CREB5: variants seen among roughly 807,000 people sequenced by gnomAD.
CREB5 encodes cyclic AMP-responsive element-binding protein 5.
A neutral mutation model predicts 57.1 loss-of-function variants in CREB5; 19 were observed. That is an observed-to-expected ratio of 0.33 (90% CI 0.23 to 0.49). The LOEUF (loss-of-function observed/expected upper bound fraction) is 0.49, where lower values mean the gene tolerates loss of function less well. CREB5 is among the 20% of genes least tolerant of loss of function. CREB5 has a pLI of 0.99. For missense variants in CREB5, 579 were observed against 671.6 expected (o/e 0.86, Z 1.52); for synonymous variants, 238 against 238.3 (o/e 1.00, Z 0.01).
intron 5 of CREB5, among the ~76,000 whole-genome samples, chr7:28,679,197 G>A (rs1010278596): frequency 2.6e-5 from 4 of 151,972 alleles, no homozygotes; most frequent in Non-Finnish European, 5.9e-5. Context: ...GGGAGACAGA[G>A]GGAGAATATT....
At chr7:28,497,246 G>T (rs74826751) in intron 3 of CREB5, among the ~76,000 whole-genome samples, 13,222 of 152,292 alleles carry the variant, frequency 0.087, 681 homozygotes, top group Middle Eastern at 0.12. Context: ...CTGAAAAAGA[G>T]CAGCTGAAGA....
At chr7:28,611,524 G>A (rs1797385096) in intron 5 of CREB5, among the ~76,000 whole-genome samples, 1 of 142,226 alleles carries the variant, frequency 7.0e-6, no homozygotes, top group African/African-American at 2.6e-5. Context: ...AAATTAGCTG[G>A]GTGTGGTGGT....
intron 7 of CREB5, among the ~76,000 whole-genome samples, chr7:28,740,358 C>G (rs887945741): frequency 6.6e-6 from 1 of 152,132 alleles, no homozygotes; most frequent in Non-Finnish European, 1.5e-5. Flanking sequence ...ACCACTTTCC[C>G]TTTCTGTTTG....
At chr7:28,565,051 A>G (rs1436922255) in intron 4 of CREB5, among the ~76,000 whole-genome samples, 2 of 152,214 alleles carry the variant, frequency 1.3e-5, no homozygotes, top group Non-Finnish European at 2.9e-5. Flanking sequence ...TTACATGGCT[A>G]CAAGGAAGGG....
At chr7:28,614,149 G>C (rs1186235437) in intron 5 of CREB5, among the ~76,000 whole-genome samples, 2 of 151,990 alleles carry the variant, frequency 1.3e-5, no homozygotes, top group African/African-American at 4.8e-5. Context: ...TTATAAAGTG[G>C]GGTTTCACCA....
At chr7:28,398,457 A>C (rs1787381833) in intron 1 of CREB5, among the ~76,000 whole-genome samples, 1 of 152,210 alleles carries the variant, frequency 6.6e-6, no homozygotes, top group Non-Finnish European at 1.5e-5. Context: ...AAGCTGATGA[A>C]TCAGTTTACA....
intron 1 of CREB5, among the ~76,000 whole-genome samples, chr7:28,319,205 A>G (rs1190746163): frequency 6.6e-6 from 1 of 152,176 alleles, no homozygotes; most frequent in African/African-American, 2.4e-5. Context: ...TAGGTGTGCC[A>G]TATTACATGG....
chr7:28,783,201 A>C (rs1327564934), intron 7 of CREB5, among the ~76,000 whole-genome samples: 1 of 152,178 alleles, frequency 6.6e-6, no homozygotes, highest in African/African-American at 2.4e-5. Flanking sequence ...AGCCTCAAAA[A>C]TCACATTTCT....
chr7:28,570,526 C>A lies in CREB5; in HGVS notation c.453C>A (p.Asn151Lys), dbSNP rs375100511. 6.2e-7 allele frequency: 1 copy of A among 1,613,760 alleles called. No individual in the cohort carries two copies. Among genetic ancestry groups the A allele is most frequent in the African/African-American group, 1.3e-5 (1 of 74,920 alleles). Residue 151 changes from asparagine (N) to lysine (K), a missense_variant, in exon 5 of 11, where the codon AAC (asparagine) becomes AAA (lysine). Around this residue, in one of 3 missense-constraint regions of CREB5, gnomAD observed 459 missense variants for 515.7 expected, o/e 0.89. Coordinates refer to ENST00000357727, the MANE Select transcript of CREB5 (RefSeq NM_182898.4). ...TCATCACTCAGGCACCTTCCACCAA[C>A]CGCCAGATCGGGTAAGGAGCCCTCC... is the stretch of plus-strand genomic sequence containing the variant. ...SSVITQAPST[N>K]RQIGPVPGSL...
intron 5 of CREB5, among the ~76,000 whole-genome samples, chr7:28,650,994 A>G (rs907782697): frequency 8.5e-5 from 13 of 152,312 alleles, no homozygotes; most frequent in African/African-American, 3.1e-4. Flanking sequence ...GGTTATTTTC[A>G]GGAATGGCAG....
At chr7:28,607,844 G>A (rs1219460358) in intron 5 of CREB5, among the ~76,000 whole-genome samples, 2 of 150,754 alleles carry the variant, frequency 1.3e-5, no homozygotes, top group Non-Finnish European at 2.9e-5. Flanking sequence ...AGCCAGCCTT[G>A]GGAGTTGGCT....
intron 5 of CREB5, among the ~76,000 whole-genome samples, chr7:28,660,718 T>G (rs1799579569): frequency 6.6e-6 from 1 of 152,136 alleles, no homozygotes; most frequent in Non-Finnish European, 1.5e-5. Context: ...CTTCACCTTT[T>G]CCTCCCTTTC....
chr7:28,642,184 A>G (rs562219847), intron 5 of CREB5, among the ~76,000 whole-genome samples: 4 of 152,382 alleles, frequency 2.6e-5, no homozygotes, highest in South Asian at 4.1e-4. Flanking sequence ...TCTGAAAACA[A>G]TAAGTCTTGT....
rs193059205 is a variant in CREB5 at position 28,401,753 on chromosome 7, T to C, written c.-24-93153T>C. 6.3e-3 allele frequency among the ~76,000 whole-genome samples: 964 copies of C among 152,368 alleles called. 11 individuals carry two copies. Among genetic ancestry groups the C allele is most frequent in the African/African-American group, 0.022 (915 of 41,584 alleles). On this transcript the variant is annotated intron_variant, in intron 1 of 9. Transcript: ENST00000396299. ...CAAAGGACATGAACTCATCCTTTTT[T>C]ATGGCTGCATAGTATTCCATGGTGT...
chr7:28,573,521 G>A (rs576760603), intron 5 of CREB5, among the ~76,000 whole-genome samples: 1 of 152,344 alleles, frequency 6.6e-6, no homozygotes, highest in South Asian at 2.1e-4. Context: ...CAGCGGGTGT[G>A]TTCATGGCTG....
At chr7:28,588,565 A>G (rs1382411355) in intron 5 of CREB5, among the ~76,000 whole-genome samples, 1 of 152,200 alleles carries the variant, frequency 6.6e-6, no homozygotes, top group Non-Finnish European at 1.5e-5. Context: ...AACTGTTTTT[A>G]TCTTCTTCAG....
chr7:28,804,604 A>G, intron 8 of CREB5, 82 bp downstream of exon 8: 3 of 1,519,754 alleles, frequency 2.0e-6, no homozygotes, highest in Non-Finnish European at 2.7e-6. Context: ...CATTTGCAGC[A>G]ATCTTGTTTG....
At chr7:28,805,256 G>T (rs530541580) in intron 8 of CREB5, among the ~76,000 whole-genome samples, 43 of 152,328 alleles carry the variant, frequency 2.8e-4, no homozygotes, top group African/African-American at 8.7e-4. Context: ...CTGAAAGAGG[G>T]TTGGGGGACC....
intron 7 of CREB5, among the ~76,000 whole-genome samples, chr7:28,756,950 G>A (rs79488794): frequency 2.4e-4 from 36 of 152,320 alleles, no homozygotes; most frequent in African/African-American, 8.2e-4. Context: ...ACATTTCAAA[G>A]ATTGTATAGT....
Sources: gnomAD v4.1 joint callset for allele counts (sites outside exome capture counted in the v4.1 genomes callset) on GRCh38, gnomAD v4.1.1 for gene constraint, gnomAD v4.1.1 regional missense constraint, MANE v1.5 for transcripts, NCBI Gene and HGNC (gene_info 2026-07-23, HGNC 2026-07-21) for gene names.